Variants in RARB observed in about 807,000 individuals in gnomAD.
RARB encodes HBV-activated protein.
In RARB, 17 loss-of-function variants were observed where a neutral mutation model predicts 51.9. That is an observed-to-expected ratio of 0.33 (90% CI 0.22 to 0.49). The LOEUF is 0.49. Ranked by LOEUF, RARB falls within the 20% of genes least tolerant of loss-of-function variation. RARB has a pLI of 0.99. For missense variants in RARB, 369 were observed against 550.8 expected, an observed-to-expected ratio of 0.67 and a Z score of 3.30; for synonymous variants, 215 against 195.4, an observed-to-expected ratio of 1.10 and a Z score of -0.84.
intron 5 of RARB, among the ~76,000 whole-genome samples, chr3:25,282,113 T>C (rs1428195615): frequency 2.6e-5 from 4 of 152,212 alleles, no homozygotes; most frequent in Non-Finnish European, 1.5e-5. Flanking sequence ...GAGAACATTG[T>C]AGTTGTTTCA....
At chr3:25,106,450 TG>T (rs773655888) in intron 3 of RARB, among the ~76,000 whole-genome samples, 30,338 of 84,732 alleles carry the variant, frequency 0.36, 7,201 homozygotes, top group East Asian at 0.66. Flanking sequence ...TACTGTTTTT[TG>T]TTTTTTGTTT....
intron 2 of RARB, among the ~76,000 whole-genome samples, chr3:24,976,891 G>C (rs907134014): frequency 1.3e-5 from 2 of 152,022 alleles, no homozygotes. Context: ...TTTATGGTTT[G>C]AGGTCTAACA....
intron 2 of RARB, among the ~76,000 whole-genome samples, chr3:25,007,101 T>G (rs1249715111): frequency 6.6e-6 from 1 of 152,198 alleles, no homozygotes; most frequent in Non-Finnish European, 1.5e-5. Context: ...GCTTCAGACT[T>G]TTGGCATCTG....
intron 5 of RARB, among the ~76,000 whole-genome samples, chr3:25,302,176 G>A (rs1415612230): frequency 6.6e-6 from 1 of 152,224 alleles, no homozygotes; most frequent in South Asian, 2.1e-4. Flanking sequence ...TACATTGCTA[G>A]TGAAATTATA....
chr3:24,933,468 C>T (rs1173518016), intron 2 of RARB, among the ~76,000 whole-genome samples: 1 of 152,008 alleles, frequency 6.6e-6, no homozygotes, highest in African/African-American at 2.4e-5. Context: ...CATTTTCAAA[C>T]TTGTTGGCTT....
intron 5 of RARB, among the ~76,000 whole-genome samples, chr3:25,369,771 C>A (rs112726042): frequency 0.054 from 8,151 of 152,060 alleles, 706 homozygotes; most frequent in African/African-American, 0.18. Context: ...AAAAATACAA[C>A]ATTAGCCTGG....
At chr3:25,310,780 ATG>A (rs1704270774) in intron 5 of RARB, among the ~76,000 whole-genome samples, 10 of 152,244 alleles carry the variant, frequency 6.6e-5, no homozygotes, top group Admixed American at 6.5e-4. Context: ...AGCTCCTTGA[ATG>A]TTTTTGGAAA....
intron 5 of RARB, among the ~76,000 whole-genome samples, chr3:25,293,417 A>G (rs758588996): frequency 6.6e-6 from 1 of 152,046 alleles, no homozygotes; most frequent in Non-Finnish European, 1.5e-5. Flanking sequence ...CAAGCCCTCA[A>G]ACGTTCATTG....
At chr3:25,471,726 G>T (rs1338288423) in intron 2 of RARB, among the ~76,000 whole-genome samples, 1 of 151,300 alleles carries the variant, frequency 6.6e-6, no homozygotes, top group African/African-American at 2.4e-5. Flanking sequence ...TTTGCTTGTT[G>T]TTTGAAAATA....
chr3:25,120,799 A>G (rs568947255), intron 3 of RARB, among the ~76,000 whole-genome samples: 1 of 152,252 alleles, frequency 6.6e-6, no homozygotes, highest in East Asian at 1.9e-4. Flanking sequence ...TAGATCAGGA[A>G]TCCTCACATC....
intron 2 of RARB, among the ~76,000 whole-genome samples, chr3:25,019,255 A>G (rs1697577497): frequency 6.6e-6 from 1 of 152,190 alleles, no homozygotes; most frequent in African/African-American, 2.4e-5. Context: ...TGTTAAATCA[A>G]ATTCAGAACT....
chr3:24,981,209 C>T (rs902068784), intron 2 of RARB, among the ~76,000 whole-genome samples: 1 of 152,184 alleles, frequency 6.6e-6, no homozygotes, highest in East Asian at 1.9e-4. Flanking sequence ...GTCTCCCAGT[C>T]AGGCTACACA....
intron 5 of RARB, among the ~76,000 whole-genome samples, chr3:25,327,352 A>G (rs1185444010): frequency 1.3e-5 from 2 of 152,170 alleles, no homozygotes; most frequent in Admixed American, 6.6e-5. Flanking sequence ...GCACTACTAC[A>G]ATATTTCAAA....
chr3:25,411,391 A>G (rs1022916627), intron 5 of RARB, among the ~76,000 whole-genome samples: 8 of 152,218 alleles, frequency 5.3e-5, no homozygotes, highest in South Asian at 2.1e-4. Flanking sequence ...CTTTTCCCTC[A>G]ACTCACAAGG....
At chr3:24,979,371 T>A (rs1378633233) in intron 2 of RARB, among the ~76,000 whole-genome samples, 1 of 152,188 alleles carries the variant, frequency 6.6e-6, no homozygotes, top group Non-Finnish European at 1.5e-5. Flanking sequence ...TGTGGGAGTC[T>A]AAGTCTCTTT....
At chr3:25,135,067 G>A (rs1365626082) in intron 4 of RARB, among the ~76,000 whole-genome samples, 1 of 124,988 alleles carries the variant, frequency 8.0e-6, no homozygotes, top group East Asian at 2.2e-4. Flanking sequence ...TTTTTTTTTT[G>A]GTCTGAGTTT....
chr3:25,083,999 C>A (rs1296680658), intron 3 of RARB, among the ~76,000 whole-genome samples: 1 of 152,154 alleles, frequency 6.6e-6, no homozygotes, highest in Non-Finnish European at 1.5e-5. Flanking sequence ...CTTTGTTCAT[C>A]TTCCAGCCCC....
intron 3 of RARB, among the ~76,000 whole-genome samples, chr3:25,101,652 T>G (rs1444217094): frequency 2.6e-5 from 4 of 152,016 alleles, no homozygotes; most frequent in East Asian, 1.9e-4. Context: ...TCTTTATGTT[T>G]TTTTTTTTTA....
chr3:24,933,071 A>T (rs1487680832), intron 2 of RARB, among the ~76,000 whole-genome samples: 9 of 152,140 alleles, frequency 5.9e-5, no homozygotes, highest in Non-Finnish European at 1.5e-5. Context: ...TTCATAAATA[A>T]GGGAAAAATA....
Sources: allele counts gnomAD v4.1 joint callset (sites outside exome capture counted in the v4.1 genomes callset), GRCh38; gene constraint gnomAD v4.1.1; transcripts MANE v1.5; gene names NCBI Gene and HGNC (gene_info 2026-07-23, HGNC 2026-07-21).